TMEM68: variants seen among roughly 807,000 people sequenced by gnomAD.
TMEM68 encodes the protein transmembrane protein 68.
A neutral mutation model predicts 36.9 loss-of-function variants in TMEM68; 25 were observed. That is an observed-to-expected ratio of 0.68 (90% CI 0.49 to 0.95). The LOEUF (loss-of-function observed/expected upper bound fraction) is 0.95, where lower values mean the gene tolerates loss of function less well. TMEM68 is among the 40% of genes least tolerant of loss of function. The pLI, the probability that TMEM68 is intolerant of heterozygous loss-of-function variation, is 0.00. For synonymous variants in TMEM68, 131 were observed against 124.4 expected (o/e 1.05, Z -0.35); for missense variants, 333 against 392.0 (o/e 0.85, Z 1.27).
Position 55,754,462 on chromosome 8 carries a change from TATATACACAC to T in TMEM68, c.493+1772_493+1781del, listed in dbSNP as rs1292767522. ...TGTCTCGAATATATATATATATATA[TATATACACAC>T]ACACACACACACACACACACATACA... is the stretch of plus-strand genomic sequence containing the variant. On this transcript the variant is annotated intron_variant, in intron 4 of 7. Transcript: ENST00000434581. Among the ~76,000 whole-genome samples the T allele has an allele frequency of 3.7e-3, 429 of 114,428 alleles. 5 individuals are homozygous for T. Among genetic ancestry groups the T allele is most frequent in the African/African-American group, 0.015 (402 of 27,304 alleles). 75.1% of individuals were successfully genotyped at this position (114,428 alleles called of 152,430 possible). A position where few individuals can be genotyped will look rare whatever the true frequency, so the allele number is the denominator to read the frequency against.
chr8:55,759,005 C>T (rs1441181628), intron 3 of TMEM68, among the ~76,000 whole-genome samples: 1 of 151,988 alleles, frequency 6.6e-6, no homozygotes, highest in Non-Finnish European at 1.5e-5. Flanking sequence ...AATGGGTTTA[C>T]TGAGGTTAAG....
chr8:55,751,233 C>T, intron 4 of TMEM68, 76 bp from the exon 5 acceptor site: 1 of 1,299,024 alleles, frequency 7.7e-7, no homozygotes, highest in South Asian at 1.5e-5. Context: ...TCTTCACAAA[C>T]TACATAGTGT....
chr8:55,762,556 T>A (rs756665505), intron 3 of TMEM68, 79 bp downstream of exon 3: 1 of 1,590,342 alleles, frequency 6.3e-7, no homozygotes, highest in Non-Finnish European at 8.5e-7. Flanking sequence ...ATCTTCTCAA[T>A]CAATAAAATG....
chr8:55,753,941 A>C (rs1241507138), intron 4 of TMEM68, among the ~76,000 whole-genome samples: 1 of 151,620 alleles, frequency 6.6e-6, no homozygotes, highest in East Asian at 1.9e-4. Flanking sequence ...AAAGTACAAA[A>C]ATTAGCCAGG....
intron 7 of TMEM68, among the ~76,000 whole-genome samples, chr8:55,742,180 G>C (rs561950225): frequency 6.6e-6 from 1 of 152,298 alleles, no homozygotes; most frequent in African/African-American, 2.4e-5. Flanking sequence ...TCACTCATAT[G>C]AGGTATCTAA....
intron 1 of TMEM68, among the ~76,000 whole-genome samples, chr8:55,769,300 G>T (rs1353563146): frequency 3.8e-5 from 4 of 106,468 alleles, no homozygotes; most frequent in Non-Finnish European, 5.2e-5. Context: ...CCAGCCTCAG[G>T]GACAGAATGA....
chr8:55,746,630 A>C (rs867097713), intron 5 of TMEM68: 2 of 152,294 alleles, frequency 1.3e-5, no homozygotes, highest in South Asian at 2.1e-4. Flanking sequence ...CCATGAGTAA[A>C]TGCCTAATAT....
chr8:55,765,587 CT>C (rs1810939932), intron 1 of TMEM68, among the ~76,000 whole-genome samples: 1 of 152,162 alleles, frequency 6.6e-6, no homozygotes, highest in Non-Finnish European at 1.5e-5. Flanking sequence ...ATCACAGCAG[CT>C]TTTTTGGTAA....
chr8:55,745,229 C>T (rs960757089), intron 5 of TMEM68, 108 bp from the exon 6 acceptor site: 6 of 606,818 alleles, frequency 9.9e-6, no homozygotes, highest in African/African-American at 7.7e-5. Context: ...AGAAAAGGCA[C>T]CTATGGCCAT....
intron 4 of TMEM68, among the ~76,000 whole-genome samples, chr8:55,753,297 T>C (rs1810473130): frequency 6.6e-6 from 1 of 151,988 alleles, no homozygotes; most frequent in Admixed American, 6.6e-5. Context: ...GTTTTTCTTA[T>C]AAAACATGGT....
rs1810022378 is a variant in TMEM68, at chr8:55,739,235, A to G, written c.*897T>C. On this transcript the variant is annotated 3_prime_UTR_variant, in exon 8 of 8. Transcript: ENST00000434581. Reference sequence around the variant, plus strand: ...GCCTCAATATTGAGCAAAAGTAGAGAACTCTTGCTTTCCTCAGCCTAGAAT... The same window carrying G: ...GCCTCAATATTGAGCAAAAGTAGAGGACTCTTGCTTTCCTCAGCCTAGAAT... 1 of 152,662 alleles carries G rather than the reference A, an allele frequency of 6.6e-6. No individual in the cohort carries two copies. Among genetic ancestry groups the G allele is most frequent in the Non-Finnish European group, 1.5e-5 (1 of 68,048 alleles). The allele number at this position is 152,662 out of a possible 1,614,324, so 9.5% of individuals were successfully genotyped here.
At chr8:55,771,507 C>T (rs547662330) in intron 1 of TMEM68, among the ~76,000 whole-genome samples, 6 of 152,140 alleles carry the variant, frequency 3.9e-5, no homozygotes, top group Non-Finnish European at 8.8e-5. Context: ...GCCCCAGCTA[C>T]TCGGGGGGCT....
rs373610783 is a variant in TMEM68, at chr8:55,743,357, C to T, written c.888+124G>A. On this transcript the variant is annotated intron_variant, in intron 7 of 7. Transcript: ENST00000434581. ...AAATGTTCCCTAGGGTATACAATCA[C>T]CTCTGGTTGAGAACCACTGACCTAG... 3.4e-5 allele frequency: 42 copies of T among 1,234,352 alleles called. No homozygotes were observed. In the African/African-American group the frequency reaches 5.9e-4, roughly 17 times the overall value. The allele number at this position is 1,234,352 out of a possible 1,614,324, so 76.5% of individuals were successfully genotyped here. A position where few individuals can be genotyped will look rare whatever the true frequency, so the allele number is the denominator to read the frequency against.
rs1554556017 is a variant in TMEM68, at chr8:55,769,018, T to TTAAAAAAAAAAA, written c.-115+4250_-115+4251insTTTTTTTTTTTA. Reference sequence around the variant, plus strand: ...GTGAAAGAGCAAGAGACTCTGTCTTTAAAAAAAAAAAAAAAAAAAAAAAGG... The same window carrying TTAAAAAAAAAAA: ...GTGAAAGAGCAAGAGACTCTGTCTTTTAAAAAAAAAAAAAAAAAAAAAAAAAAAAAAAAAAGG... On this transcript the variant is annotated intron_variant, in intron 1 of 7. Transcript: ENST00000434581. 1.1e-3 allele frequency among the ~76,000 whole-genome samples: 87 copies of TTAAAAAAAAAAA among 82,068 alleles called. 4 individuals carry two copies. Among genetic ancestry groups the TTAAAAAAAAAAA allele is most frequent in the African/African-American group, 3.8e-3 (76 of 20,116 alleles). 53.8% of individuals were successfully genotyped at this position (82,068 alleles called of 152,430 possible). A position where few individuals can be genotyped will look rare whatever the true frequency, so the allele number is the denominator to read the frequency against.
intron 6 of TMEM68, 141 bp downstream of exon 6, chr8:55,744,920 T>G (rs1810224895): frequency 2.0e-6 from 1 of 493,648 alleles, no homozygotes; most frequent in Non-Finnish European, 3.4e-6. Flanking sequence ...TAGTTATCAT[T>G]TGGACTTTAA....
chr8:55,749,319 T>G (rs1288911390), intron 5 of TMEM68, among the ~76,000 whole-genome samples: 1 of 152,178 alleles, frequency 6.6e-6, no homozygotes, highest in African/African-American at 2.4e-5. Flanking sequence ...CAATCAGGCT[T>G]TTTCCCCTTT....
intron 1 of TMEM68, among the ~76,000 whole-genome samples, chr8:55,769,633 C>G (rs1811091474): frequency 6.6e-6 from 1 of 151,826 alleles, no homozygotes; most frequent in Non-Finnish European, 1.5e-5. Flanking sequence ...CTGTGTTCGT[C>G]TAAAACTTTT....
rs748016375 is a variant in TMEM68, at chr8:55,751,022, TAA to T, written c.627_628del (p.Tyr210Ter). On this transcript the variant is annotated frameshift_variant, in exon 5 of 8. Transcript: ENST00000434581. LOFTEE classifies it high-confidence loss of function. ...TCTGCGATGACCCCATACGATGTTA[TAA>T]GTTTCATCACTAATTAGGGCTTCTC... is the stretch of plus-strand genomic sequence containing the variant. 1.1e-5 allele frequency: 18 copies of T among 1,613,938 alleles called. No homozygotes were observed. In the Admixed American group the frequency reaches 3.0e-4, roughly 27 times the overall value.
chr8:55,739,518 T>C lies in TMEM68; in HGVS notation c.*614A>G, dbSNP rs943223001. 2.6e-5 allele frequency: 4 copies of C among 152,658 alleles called. No individual in the cohort carries two copies. The highest frequency in any genetic ancestry group is 2.9e-5 in the Non-Finnish European group (2 of 68,038). 9.5% of individuals were successfully genotyped at this position (152,658 alleles called of 1,614,324 possible). The stretch of plus-strand genomic sequence containing the variant: ...ATTTAAACACACAATGGAGAAAATA[T>C]ATACATAACTGCTAAAGGATTTTGA... On this transcript the variant is annotated 3_prime_UTR_variant, in exon 8 of 8. Coordinates refer to ENST00000434581, the MANE Select transcript of TMEM68 (RefSeq NM_001286657.2).
Sources: allele counts gnomAD v4.1 joint callset (sites outside exome capture counted in the v4.1 genomes callset), GRCh38; gene constraint gnomAD v4.1.1; transcripts MANE v1.5; gene names NCBI Gene and HGNC (gene_info 2026-07-23, HGNC 2026-07-21).